MAOB: variants seen among roughly 807,000 people sequenced by gnomAD.
MAOB encodes the protein amine oxidase [flavin-containing] B.
Under a neutral mutation model 41.9 loss-of-function variants are expected in MAOB, and 15 were observed. The ratio of observed to expected loss-of-function variants is 0.36; its 90% confidence interval spans 0.24 to 0.55. The LOEUF is 0.55. Ranked by LOEUF, MAOB falls within the 20% of genes least tolerant of loss-of-function variation. The probability of loss-of-function intolerance (pLI) is 0.86; values close to 1 mark genes in which losing one functional copy is unlikely to be tolerated. For synonymous variants in MAOB, 167 were observed against 144.2 expected, an observed-to-expected ratio of 1.16 and a Z score of -1.13; for missense variants, 345 against 398.7, an observed-to-expected ratio of 0.87 and a Z score of 1.15.
intron 7 of MAOB, among the ~76,000 whole-genome samples, chrX:43,794,367 C>G (rs772695763): frequency 9.0e-6 from 1 of 110,805 alleles, no homozygotes; most frequent in South Asian, 3.9e-4. Flanking sequence ...CTTGCATAAC[C>G]AATTCTCCCA....
chrX:43,881,420 T>G (rs1168756965), intron 1 of MAOB, among the ~76,000 whole-genome samples: 1 of 113,145 alleles, frequency 8.8e-6, no homozygotes, highest in Admixed American at 9.2e-5. Context: ...TTAAACAGGC[T>G]GTGCTGAGAG....
chrX:43,871,421 T>G (rs1420564858), intron 1 of MAOB, among the ~76,000 whole-genome samples: 1 of 109,622 alleles, frequency 9.1e-6, no homozygotes, highest in Non-Finnish European at 1.9e-5. Flanking sequence ...ACCTCTCCAG[T>G]AAATTCCATT....
chrX:43,847,113 G>A (rs779849386), intron 1 of MAOB, among the ~76,000 whole-genome samples: 16 of 112,164 alleles, frequency 1.4e-4, no homozygotes, highest in Non-Finnish European at 2.6e-4. Context: ...GGAAGCCGAG[G>A]CAGGCAGATC....
chrX:43,785,290 G>A (rs757278656), intron 8 of MAOB, among the ~76,000 whole-genome samples: 8 of 112,801 alleles, frequency 7.1e-5, no homozygotes, highest in Middle Eastern at 4.6e-3. Context: ...TGGGGAGGAG[G>A]CTTCTTTCCT....
Position 43,794,246 on chromosome X carries a change from C to T in MAOB, c.769-668G>A, listed in dbSNP as rs753969493. Among the ~76,000 whole-genome samples, 5 of 111,388 alleles carry T rather than the reference C, an allele frequency of 4.5e-5. No homozygotes were observed. In the South Asian group the frequency reaches 1.9e-3, roughly 43 times the overall value. ...TCCCACCTCAGTGCCTTGGCACTGGCTGTTCCATCTTCTTCTCTCAGGGAA... is the reference window on the plus strand; with the variant it reads ...TCCCACCTCAGTGCCTTGGCACTGGTTGTTCCATCTTCTTCTCTCAGGGAA... On this transcript the variant is annotated intron_variant, in intron 7 of 14. Transcript: ENST00000378069.
chrX:43,808,988 A>C (rs1388496480), intron 3 of MAOB, among the ~76,000 whole-genome samples: 1 of 111,086 alleles, frequency 9.0e-6, no homozygotes, highest in Non-Finnish European at 1.9e-5. Flanking sequence ...CACCGCACCC[A>C]GCCATATCCT....
chrX:43,789,885 C>T (rs1306298831), intron 8 of MAOB, among the ~76,000 whole-genome samples: 1 of 111,453 alleles, frequency 9.0e-6, no homozygotes, highest in East Asian at 2.8e-4. Context: ...TAAATATCTA[C>T]AATTAAAAAT....
chrX:43,803,371 G>A lies in MAOB; in HGVS notation c.313C>T (p.Pro105Ser). ...KSYPFRGPFP[P>S]VWNPITYLDH... Reference sequence around the variant, plus strand: ...AAGTAGGTAATTGGATTCCATACAGGTGGGAATGGCCCCCTGAAGGGGTAT... The same window carrying A: ...AAGTAGGTAATTGGATTCCATACAGATGGGAATGGCCCCCTGAAGGGGTAT... Residue 105 changes from proline (P) to serine (S), a missense_variant, in exon 4 of 15, where the codon CCT becomes TCT. Physicochemically the swap from Pro to Ser is moderately conservative, Grantham distance 74 (BLOSUM62 -1). Transcript: ENST00000378069. 2 of 1,172,784 alleles carry A rather than the reference G, an allele frequency of 1.7e-6. No individual in the cohort carries two copies. The highest frequency in any genetic ancestry group is 2.3e-6 in the Non-Finnish European group (2 of 881,829).
At chrX:43,800,417 C>T (rs917518857) in intron 5 of MAOB, among the ~76,000 whole-genome samples, 1 of 111,248 alleles carries the variant, frequency 9.0e-6, no homozygotes, top group Non-Finnish European at 1.9e-5. Context: ...AATTTTATTA[C>T]TATTAAAATA....
At chrX:43,774,818 C>T (rs1333818924) in intron 12 of MAOB, among the ~76,000 whole-genome samples, 2 of 111,293 alleles carry the variant, frequency 1.8e-5, no homozygotes, top group Admixed American at 1.9e-4. Context: ...TTTATGGGTA[C>T]AGAGTAGGTG....
At chrX:43,835,894 T>C (rs1569225853) in intron 3 of MAOB, among the ~76,000 whole-genome samples, 1 of 111,774 alleles carries the variant, frequency 8.9e-6, no homozygotes. Flanking sequence ...TTAATGTTAC[T>C]AAGGTTGCAC....
Position 43,839,005 on chromosome X carries a change from T to C in MAOB, c.142A>G (p.Asn48Asp), listed in dbSNP as rs747397495. The change falls in exon 3 of 15, where the codon AAC becomes GAC. Residue 48 changes from asparagine to aspartate, a missense_variant and splice_region_variant. By Grantham distance (23) the Asn-to-Asp change is conservative. Coordinates refer to ENST00000378069, the MANE Select transcript of MAOB (RefSeq NM_000898.5). ...AGGTCCACATATTTAACCTTTTGGT[T>C]CTGTTTTCCCATAGGAAAAAATTAA... ...RVGGRTYTLR[N>D]QKVKYVDLGG... 3 of 1,158,608 alleles carry C rather than the reference T, an allele frequency of 2.6e-6. No individual in the cohort carries two copies. In the East Asian group the frequency reaches 9.1e-5, roughly 35 times the overall value.
intron 1 of MAOB, among the ~76,000 whole-genome samples, chrX:43,878,143 G>A (rs762536671): frequency 2.7e-4 from 30 of 111,812 alleles, no homozygotes; most frequent in Non-Finnish European, 4.3e-4. Flanking sequence ...AGATGAGGCA[G>A]CTGAAATACA....
At chrX:43,857,140 GAGAGAGAGAGAGAGAGAGAGAGAGAAGAA>G (rs2035300382) in intron 1 of MAOB, among the ~76,000 whole-genome samples, 1 of 59,265 alleles carries the variant, frequency 1.7e-5, no homozygotes, top group South Asian at 1.2e-3. Context: ...GAGAGAGAGA[GAGAGAGAGAGAGAGAGAGAGAGAGAAGAA>G]GAGAGAGAGA....
intron 13 of MAOB, 93 bp from the exon 14 acceptor site, chrX:43,768,809 T>A: frequency 1.3e-6 from 1 of 771,658 alleles, no homozygotes; most frequent in South Asian, 2.3e-5. Flanking sequence ...TCTCTTGAGA[T>A]ATCCATCAAA....
At chrX:43,833,004 G>T (rs1351768009) in intron 3 of MAOB, among the ~76,000 whole-genome samples, 1 of 110,729 alleles carries the variant, frequency 9.0e-6, no homozygotes, top group African/African-American at 3.3e-5. Flanking sequence ...AAGAAGAAAG[G>T]CGGGCCAGGT....
intron 11 of MAOB, among the ~76,000 whole-genome samples, chrX:43,775,478 G>GT (rs1237441060): frequency 3.6e-5 from 4 of 111,693 alleles, no homozygotes; most frequent in South Asian, 3.7e-4. Context: ...ATCTTAGAAT[G>GT]TTTTTTTCAT....
chrX:43,848,819 G>C (rs2035229928), intron 1 of MAOB, among the ~76,000 whole-genome samples: 1 of 111,893 alleles, frequency 8.9e-6, no homozygotes, highest in Non-Finnish European at 1.9e-5. Flanking sequence ...CTCCCAAAGT[G>C]CTGGGATTAT....
At chrX:43,863,101 A>G (rs1052008286) in intron 1 of MAOB, among the ~76,000 whole-genome samples, 1 of 111,962 alleles carries the variant, frequency 8.9e-6, no homozygotes, top group Non-Finnish European at 1.9e-5. Flanking sequence ...GAGAAAAACA[A>G]TTTGGCAGTA....
Sources: allele counts gnomAD v4.1 joint callset (sites outside exome capture counted in the v4.1 genomes callset), GRCh38; gene constraint gnomAD v4.1.1; transcripts MANE v1.5; gene names NCBI Gene and HGNC (gene_info 2026-07-23, HGNC 2026-07-21).